The following AP1B1 variants were observed in gnomAD, a reference collection of about 807,000 sequenced individuals.
AP1B1 encodes the protein adaptor related protein complex 1 subunit beta 1, also known as AP-1 complex subunit beta-1.
A neutral mutation model predicts 104.3 loss-of-function variants in AP1B1; 36 were observed. The ratio of observed to expected loss-of-function variants is 0.35; its 90% CI spans 0.26 to 0.46. AP1B1 has a LOEUF of 0.46. AP1B1 is among the 20% of genes least tolerant of loss of function. The pLI is 1.00. For missense variants in AP1B1, 901 were observed against 1,247.9 expected (o/e 0.72, Z 4.19); for synonymous variants, 504 against 517.5 (o/e 0.97, Z 0.35).
intron 3 of AP1B1, 138 bp downstream of exon 3, chr22:29,362,863 G>C: frequency 3.1e-6 from 2 of 653,198 alleles, no homozygotes; most frequent in Non-Finnish European, 2.8e-6. Context: ...CTATTGGGAA[G>C]AAAGTTTTAT....
chr22:29,382,555 A>G (rs1223062444), intron 1 of AP1B1, among the ~76,000 whole-genome samples: 1 of 152,194 alleles, frequency 6.6e-6, no homozygotes, highest in Non-Finnish European at 1.5e-5. Flanking sequence ...AGTAAAATAT[A>G]TAACATCTTA....
intron 17 of AP1B1, 142 bp from the exon 18 acceptor site, chr22:29,332,058 G>T: frequency 7.2e-6 from 6 of 836,276 alleles, no homozygotes; most frequent in Non-Finnish European, 1.1e-5. Flanking sequence ...CTGGACCCTG[G>T]ACAGAAGGAT....
chr22:29,383,638 G>C (rs1440235103), intron 1 of AP1B1, among the ~76,000 whole-genome samples: 1 of 147,566 alleles, frequency 6.8e-6, no homozygotes, highest in Non-Finnish European at 1.5e-5. Flanking sequence ...GAACCTGGGA[G>C]GCAGAGCTTG....
At chr22:29,376,665 A>G (rs79172645) in intron 1 of AP1B1, among the ~76,000 whole-genome samples, 2,884 of 152,114 alleles carry the variant, frequency 0.019, 29 homozygotes, top group South Asian at 0.045. Flanking sequence ...GTGGAAAAAA[A>G]GGGGCTGGGG....
intron 11 of AP1B1, among the ~76,000 whole-genome samples, chr22:29,344,916 G>A (rs2061769064): frequency 6.6e-6 from 1 of 152,154 alleles, no homozygotes; most frequent in East Asian, 1.9e-4. Context: ...TAATTGTCAA[G>A]CCCGGTGCAG....
chr22:29,349,492 G>T, intron 10 of AP1B1, 109 bp from the exon 11 acceptor site: 1 of 1,194,718 alleles, frequency 8.4e-7, no homozygotes, highest in South Asian at 1.4e-5. Flanking sequence ...AAGACCCCAA[G>T]GTGGCAGGTA....
rs578186424 is a variant in AP1B1 at position 29,341,440 on chromosome 22, G to A, written c.1796+61C>T. Reference sequence around the variant, plus strand: ...GACAACACGCCAGGCCTGAGTGCCTGTGCTGCTAAACTGGGGAAGCAGAGT... The same window carrying A: ...GACAACACGCCAGGCCTGAGTGCCTATGCTGCTAAACTGGGGAAGCAGAGT... On this transcript the variant is annotated intron_variant, in intron 13 of 22. Coordinates refer to ENST00000357586, the MANE Select transcript of AP1B1 (RefSeq NM_001127.4). 36 of 1,572,702 alleles carry A rather than the reference G, an allele frequency of 2.3e-5. No individual in the cohort carries two copies. In the South Asian group the frequency reaches 4.1e-4, roughly 18 times the overall value.
chr22:29,358,958 G>C lies in AP1B1; in HGVS notation c.293C>G (p.Pro98Arg). The part of the protein sequence containing the change: ...VNTFVKDCED[P>R]NPLIRALAVR... ...TGCCAGGGCTCGGATGAGGGGGTTG[G>C]GGTCCTCACAGTCCTGGGGGGAACC... is the stretch of plus-strand genomic sequence containing the variant. Residue 98 changes from proline to arginine, a missense_variant, in exon 5 of 23, where the codon CCC becomes CGC. Transcript: ENST00000357586. 2 of 1,610,160 alleles carry C rather than the reference G, an allele frequency of 1.2e-6. No homozygotes were observed. The highest frequency in any genetic ancestry group is 1.7e-6 in the Non-Finnish European group (2 of 1,178,800).
chr22:29,329,848 C>A, intron 21 of AP1B1, 128 bp from the exon 22 acceptor site: 2 of 1,525,526 alleles, frequency 1.3e-6, no homozygotes, highest in Non-Finnish European at 1.8e-6. Context: ...CCAGGAGGGG[C>A]AGTGTCTGGA....
chr22:29,381,748 C>T (rs758368312), intron 1 of AP1B1, among the ~76,000 whole-genome samples: 25 of 152,088 alleles, frequency 1.6e-4, no homozygotes, highest in South Asian at 4.2e-4. Flanking sequence ...TCACTCTCAC[C>T]TGCTCCCATA....
At chr22:29,357,491 A>G (rs1235394061) in intron 5 of AP1B1, among the ~76,000 whole-genome samples, 3 of 151,872 alleles carry the variant, frequency 2.0e-5, no homozygotes, top group Non-Finnish European at 4.4e-5. Flanking sequence ...TCAGCCTCCC[A>G]GGTAGCTGAG....
At position 29,340,811 on chromosome 22, in the gene AP1B1, G is replaced by A. The variant is rs2061703270; in HGVS notation, c.1843C>T (p.Pro615Ser). ...GGGATGACATCTGGCTGCTCCCCAG[G>A]AGGTGCTCCAGTAGGGGCTGTCTCA... ...SPETAPTGAP[P>S]GEQPDVIPAQ... The change falls in exon 14 of 23, where the codon CCT becomes TCT. Residue 615 changes from proline (P) to serine (S), a missense_variant. Coordinates refer to ENST00000357586, the MANE Select transcript of AP1B1 (RefSeq NM_001127.4). 1 of 1,600,554 alleles carries A rather than the reference G, an allele frequency of 6.2e-7. No homozygotes were observed. Among genetic ancestry groups the A allele is most frequent in the Admixed American group, 1.7e-5 (1 of 57,322 alleles).
intron 1 of AP1B1, among the ~76,000 whole-genome samples, chr22:29,387,862 A>C (rs1337676653): frequency 6.6e-6 from 1 of 152,242 alleles, no homozygotes; most frequent in Non-Finnish European, 1.5e-5. Flanking sequence ...CCCGGTACAC[A>C]GAAGGGACTC....
chr22:29,354,689 T>C lies in AP1B1; in HGVS notation c.899A>G (p.Tyr300Cys), dbSNP rs780834015. Residue 300 changes from tyrosine (Y) to cysteine (C), a missense_variant, in exon 7 of 23, where the codon TAT becomes TGT. Tyr to Cys is a radical substitution (Grantham distance 194, BLOSUM62 -2). This residue lies in a region of AP1B1 where 471 missense variants were observed against 696.7 expected (regional missense o/e 0.68). Transcript: ENST00000357586. ...TLLSAEPELQ[Y>C]VALRNINLIV... ...GAGATTGATGTTGCGCAGGGCCACA[T>C]ACTGCAGCTCTGGCTCGGCTGACAG... 1.2e-6 allele frequency: 2 copies of C among 1,614,062 alleles called. No homozygotes were observed. The highest frequency in any genetic ancestry group is 1.7e-6 in the Non-Finnish European group (2 of 1,180,028).
chr22:29,329,913 G>A, intron 21 of AP1B1, 193 bp from the exon 22 acceptor site: 3 of 1,436,332 alleles, frequency 2.1e-6, no homozygotes, highest in South Asian at 1.5e-5. Flanking sequence ...GTTTGGGGCT[G>A]TCCGGGGCCC....
intron 1 of AP1B1, among the ~76,000 whole-genome samples, chr22:29,369,068 C>G (rs1229064334): frequency 6.6e-6 from 1 of 152,198 alleles, no homozygotes; most frequent in Non-Finnish European, 1.5e-5. Context: ...TTCACTTTAT[C>G]TCTTTTGTTG....
Position 29,328,495 on chromosome 22 carries a change from G to A in AP1B1, c.*326C>T, listed in dbSNP as rs149575781. ...CCAGGGGCTGCCGGGGCTGTGAGCC[G>A]GAGGGGCAAGCTCCACACTCACCCT... On this transcript the variant is annotated 3_prime_UTR_variant, in exon 23 of 23. Transcript: ENST00000357586. The surrounding 1 kb of genome is among the most constrained non-coding windows in gnomAD (Gnocchi z 4.1). 225 of 266,590 alleles carry A rather than the reference G, an allele frequency of 8.4e-4. 3 individuals are homozygous for A. The East Asian group carries it at 0.015, about 18-fold the overall frequency. The allele number at this position is 266,590 out of a possible 1,614,324, so 16.5% of individuals were successfully genotyped here.
chr22:29,329,833 A>T, intron 21 of AP1B1, 113 bp from the exon 22 acceptor site: 1 of 1,544,304 alleles, frequency 6.5e-7, no homozygotes, highest in East Asian at 2.3e-5. Flanking sequence ...CACTGCCAGC[A>T]GGACCCAGGA....
In AP1B1 at chr22:29,361,937, G is replaced by A. The variant is rs561260325; in HGVS notation, c.143+1064C>T. On this transcript the variant is annotated intron_variant, in intron 3 of 22. Transcript: ENST00000357586. Reference sequence around the variant, plus strand: ...GCCTCCCAAGTAGCTGGGATTACAGGTGCCCACCACCACGCTTGGCTAATT... The same window carrying A: ...GCCTCCCAAGTAGCTGGGATTACAGATGCCCACCACCACGCTTGGCTAATT... 4.6e-5 allele frequency among the ~76,000 whole-genome samples: 7 copies of A among 152,212 alleles called. No homozygotes were observed. In the East Asian group the frequency reaches 1.4e-3, roughly 29 times the overall value.
Sources: allele counts gnomAD v4.1 joint callset (sites outside exome capture counted in the v4.1 genomes callset), GRCh38; gene constraint gnomAD v4.1.1; regional missense constraint gnomAD v4.1.1; non-coding constraint Gnocchi (gnomAD v3.1); transcripts MANE v1.5; gene names NCBI Gene and HGNC (gene_info 2026-07-23, HGNC 2026-07-21).